RASA3: variants seen among roughly 807,000 people sequenced by gnomAD.
RASA3 encodes the protein ras GTPase-activating protein 3.
A neutral mutation model predicts 110.0 loss-of-function variants in RASA3; 73 were observed. That is an observed-to-expected ratio of 0.66 (90% CI 0.55 to 0.81). The LOEUF is 0.81. Among genes scored for constraint, RASA3 ranks in the 30% least tolerant of loss-of-function variants. The pLI, the probability that RASA3 is intolerant of heterozygous loss-of-function variation, is 0.00. For missense variants in RASA3, 976 were observed against 1,113.2 expected (o/e 0.88, Z 1.75); for synonymous variants, 500 against 451.4 (o/e 1.11, Z -1.37).
chr13:114,122,693 C>G (rs2080394203), intron 1 of RASA3, among the ~76,000 whole-genome samples: 2 of 152,214 alleles, frequency 1.3e-5, no homozygotes, highest in Non-Finnish European at 2.9e-5. Context: ...TTCAGGAGAA[C>G]CAGTGGGGCC....
At chr13:114,005,539 T>A (rs1455497542) in intron 18 of RASA3, among the ~76,000 whole-genome samples, 3 of 151,870 alleles carry the variant, frequency 2.0e-5, no homozygotes, top group African/African-American at 4.8e-5. Context: ...CCCAGGGCTG[T>A]CCCCTCTGAC....
At chr13:114,066,929 A>AACCTGGGCTGAGGACGGGCCTCCCC (rs2079462492) in intron 2 of RASA3, among the ~76,000 whole-genome samples, 2 of 134,772 alleles carry the variant, frequency 1.5e-5, no homozygotes, top group Non-Finnish European at 3.3e-5. Flanking sequence ...GGATGGGCCC[A>AACCTGGGCTGAGGACGGGCCTCCCC]ACCTGGGCTG....
At chr13:114,123,040 C>G (rs2139793809) in intron 1 of RASA3, among the ~76,000 whole-genome samples, 1 of 152,352 alleles carries the variant, frequency 6.6e-6, no homozygotes, top group Admixed American at 6.5e-5. Context: ...GTCCCTACAC[C>G]CTGGACACAC....
chr13:114,037,724 C>CCT (rs2054305436), intron 4 of RASA3, among the ~76,000 whole-genome samples: 1 of 152,232 alleles, frequency 6.6e-6, no homozygotes, highest in East Asian at 1.9e-4. Context: ...ATAGAATACA[C>CCT]AGAGAGACAC....
chr13:114,088,642 C>T (rs2079850806), intron 1 of RASA3, among the ~76,000 whole-genome samples: 2 of 152,008 alleles, frequency 1.3e-5, no homozygotes, highest in Admixed American at 1.3e-4. Flanking sequence ...ACCTCCGCCT[C>T]CCAGGTTCAA....
intron 20 of RASA3, 124 bp downstream of exon 20, chr13:113,999,461 A>G: frequency 1.4e-6 from 1 of 732,538 alleles, no homozygotes; most frequent in South Asian, 1.5e-5. Context: ...TAACACGAAG[A>G]CTCTGAGAAG....
chr13:114,013,036 T>G, intron 15 of RASA3, 106 bp downstream of exon 15: 11 of 855,744 alleles, frequency 1.3e-5, no homozygotes. Context: ...TCCCCACGCA[T>G]TCCACACTCC....
At chr13:114,024,708 C>T (rs746574080) in intron 7 of RASA3, among the ~76,000 whole-genome samples, 1 of 152,344 alleles carries the variant, frequency 6.6e-6, no homozygotes, top group South Asian at 2.1e-4. Context: ...GAGGGAGGGT[C>T]CCCTCTGCCG....
chr13:114,094,666 TG>T (rs1236178841), intron 1 of RASA3, among the ~76,000 whole-genome samples: 1 of 152,272 alleles, frequency 6.6e-6, no homozygotes, highest in Non-Finnish European at 1.5e-5. Context: ...AATGTGAATG[TG>T]TTTAGTACAC....
At chr13:113,993,061 T>A (rs1201391726) in intron 21 of RASA3, among the ~76,000 whole-genome samples, 1 of 152,216 alleles carries the variant, frequency 6.6e-6, no homozygotes, top group African/African-American at 2.4e-5. Flanking sequence ...TACTTGTACA[T>A]TTTTAGTATC....
chr13:114,089,188 G>A (rs2079858461), intron 1 of RASA3, among the ~76,000 whole-genome samples: 1 of 151,622 alleles, frequency 6.6e-6, no homozygotes, highest in East Asian at 1.9e-4. Context: ...TCATTAGAGG[G>A]GCAGAGCAGC....
intron 2 of RASA3, 109 bp from the exon 3 acceptor site, chr13:114,052,264 C>T: frequency 1.5e-6 from 1 of 680,228 alleles, no homozygotes; most frequent in South Asian, 1.8e-5. Flanking sequence ...GAATGCCCTG[C>T]ACTGTGTGGC....
chr13:114,073,651 A>T, intron 2 of RASA3, 69 bp downstream of exon 2: 1 of 1,259,492 alleles, frequency 7.9e-7, no homozygotes. Context: ...AAGGTGACGT[A>T]CACCCTTGGG....
chr13:114,023,831 G>A (rs137993440), intron 8 of RASA3, among the ~76,000 whole-genome samples: 2 of 152,350 alleles, frequency 1.3e-5, no homozygotes, highest in Non-Finnish European at 2.9e-5. Flanking sequence ...TGTTTCACTC[G>A]AGTCAAAGGG....
At chr13:114,017,087 A>C (rs1309741607) in intron 12 of RASA3, 150 bp downstream of exon 12, 4 of 688,356 alleles carry the variant, frequency 5.8e-6, no homozygotes, top group Admixed American at 4.3e-5. Context: ...TCTTGATAAA[A>C]GTGAATGAAT....
chr13:114,016,415 T>C (rs2053793469), intron 12 of RASA3, 144 bp from the exon 13 acceptor site: 1 of 669,192 alleles, frequency 1.5e-6, no homozygotes, highest in South Asian at 1.5e-5. Context: ...ACCCGGCCAC[T>C]GGCACGGAGG....
At chr13:114,019,027 T>A in intron 9 of RASA3, 108 bp from the exon 10 acceptor site, 2 of 1,400,738 alleles carry the variant, frequency 1.4e-6, no homozygotes, top group Admixed American at 1.9e-5. Flanking sequence ...AGGAGGGTGA[T>A]CCTGTAGGAC....
At chr13:114,027,806 C>T (rs914041703) in intron 6 of RASA3, 41 bp downstream of exon 6, 17 of 1,590,070 alleles carry the variant, frequency 1.1e-5, no homozygotes, top group Non-Finnish European at 1.5e-5. Context: ...ACCCTAGCCC[C>T]CCAGGACCAG....
intron 16 of RASA3, among the ~76,000 whole-genome samples, chr13:114,010,170 C>T (rs554639306): frequency 7.2e-5 from 11 of 152,182 alleles, no homozygotes; most frequent in Non-Finnish European, 1.0e-4. Context: ...CTTTTACTCA[C>T]TCGGACTCAG....
Sources: allele counts gnomAD v4.1 joint callset (sites outside exome capture counted in the v4.1 genomes callset), GRCh38; gene constraint gnomAD v4.1.1; transcripts MANE v1.5; gene names NCBI Gene and HGNC (gene_info 2026-07-23, HGNC 2026-07-21).